The following TEAD1 variants were observed in gnomAD, a reference collection of about 807,000 sequenced individuals.
TEAD1 encodes TEA domain transcription factor 1.
Under a neutral mutation model 54.9 loss-of-function variants are expected in TEAD1, and 9 were observed. The ratio of observed to expected loss-of-function variants is 0.16; its 90% confidence interval spans 0.10 to 0.29. The LOEUF (loss-of-function observed/expected upper bound fraction) is 0.29, where lower values mean the gene tolerates loss of function less well. TEAD1 is among the 10% of genes least tolerant of loss of function. The pLI is 1.00. For synonymous variants in TEAD1, 200 were observed against 187.8 expected, an observed-to-expected ratio of 1.07 and a Z score of -0.53; for missense variants, 387 against 535.9, an observed-to-expected ratio of 0.72 and a Z score of 2.74.
At chr11:12,934,327 G>A (rs907877578) in intron 12 of TEAD1, among the ~76,000 whole-genome samples, 1 of 152,024 alleles carries the variant, frequency 6.6e-6, no homozygotes, top group African/African-American at 2.4e-5. Context: ...TCATAGGTGG[G>A]AATTGAACAA....
Position 12,859,306 on chromosome 11 carries a change from G to GT in TEAD1, c.203-2944_203-2943insT, listed in dbSNP as rs1174105758. Among the ~76,000 whole-genome samples the GT allele has an allele frequency of 7.1e-3, 1,078 of 152,300 alleles. 13 individuals carry two copies. Among genetic ancestry groups the GT allele is most frequent in the African/African-American group, 0.025 (1,021 of 41,532 alleles). ...GTTTTCCCAGAAAATAAACAAGTTT[G>GT]AGGGTAGGAGACATTTTTGTCATCT... On this transcript the variant is annotated intron_variant, in intron 3 of 12. Transcript: ENST00000527636.
At chr11:12,677,512 A>G (rs1564903663) in intron 2 of TEAD1, among the ~76,000 whole-genome samples, 1 of 152,214 alleles carries the variant, frequency 6.6e-6, no homozygotes, top group Non-Finnish European at 1.5e-5. Context: ...ATAAGTCATA[A>G]GGAAAAAAAT....
chr11:12,756,184 G>A (rs187312249), intron 2 of TEAD1, among the ~76,000 whole-genome samples: 12 of 152,136 alleles, frequency 7.9e-5, no homozygotes, highest in Non-Finnish European at 1.2e-4. Flanking sequence ...CTGTTGACAC[G>A]GAAGTGATTT....
chr11:12,927,192 GT>G (rs149087082), intron 11 of TEAD1, among the ~76,000 whole-genome samples: 2,313 of 152,268 alleles, frequency 0.015, 48 homozygotes, highest in African/African-American at 0.053. Flanking sequence ...GGTAGGTGGG[GT>G]TTTACCTTTA....
chr11:12,907,132 G>A (rs903528835), intron 10 of TEAD1, among the ~76,000 whole-genome samples: 1 of 152,170 alleles, frequency 6.6e-6, no homozygotes, highest in African/African-American at 2.4e-5. Flanking sequence ...GATCTTAGGG[G>A]TTCTTCTCCT....
chr11:12,705,381 A>G (rs1943792936), intron 2 of TEAD1, among the ~76,000 whole-genome samples: 1 of 152,160 alleles, frequency 6.6e-6, no homozygotes, highest in Non-Finnish European at 1.5e-5. Context: ...GTCATTGTAG[A>G]GTGATGCAGT....
intron 2 of TEAD1, among the ~76,000 whole-genome samples, chr11:12,681,757 C>G (rs1201978577): frequency 6.6e-6 from 1 of 152,258 alleles, no homozygotes; most frequent in Non-Finnish European, 1.5e-5. Context: ...CTGTCTGCCC[C>G]GCTCCTGTCT....
chr11:12,817,498 A>G (rs996515078), intron 3 of TEAD1, among the ~76,000 whole-genome samples: 2 of 152,178 alleles, frequency 1.3e-5, no homozygotes, highest in African/African-American at 4.8e-5. Flanking sequence ...ACCATCTATC[A>G]CATTTAATGT....
chr11:12,898,724 T>C (rs12364619), intron 9 of TEAD1, among the ~76,000 whole-genome samples: 50,144 of 152,102 alleles, frequency 0.33, 10,301 homozygotes, highest in Admixed American at 0.47. Flanking sequence ...TGGCAGGTCC[T>C]ATGCCAAGCA....
intron 2 of TEAD1, among the ~76,000 whole-genome samples, chr11:12,701,077 T>A (rs554021899): frequency 3.9e-5 from 6 of 152,238 alleles, no homozygotes; most frequent in Non-Finnish European, 8.8e-5. Flanking sequence ...GTTTGATTCT[T>A]CATGTGTACA....
chr11:12,929,373 T>G (rs1197082454), intron 11 of TEAD1, among the ~76,000 whole-genome samples: 1 of 152,068 alleles, frequency 6.6e-6, no homozygotes, highest in African/African-American at 2.4e-5. Flanking sequence ...TTTCATTGAT[T>G]TGAGCTTTTA....
intron 3 of TEAD1, among the ~76,000 whole-genome samples, chr11:12,831,618 C>G (rs182673117): frequency 2.3e-4 from 35 of 152,022 alleles, no homozygotes; most frequent in African/African-American, 8.0e-4. Context: ...TCTCTACAAA[C>G]AATTTTAAAA....
intron 3 of TEAD1, among the ~76,000 whole-genome samples, chr11:12,788,214 GCAA>G (rs1564940079): frequency 6.7e-6 from 1 of 150,092 alleles, no homozygotes; most frequent in Non-Finnish European, 1.5e-5. Flanking sequence ...TTGGCTCACT[GCAA>G]CCTCCGCCTC....
intron 5 of TEAD1, among the ~76,000 whole-genome samples, chr11:12,877,346 A>C (rs1319017332): frequency 1.3e-5 from 2 of 152,218 alleles, no homozygotes; most frequent in Non-Finnish European, 2.9e-5. Flanking sequence ...AGCCAGAGTA[A>C]TATATAAGAC....
At chr11:12,702,171 G>A (rs1173982091) in intron 2 of TEAD1, among the ~76,000 whole-genome samples, 3 of 152,148 alleles carry the variant, frequency 2.0e-5, no homozygotes, top group African/African-American at 7.2e-5. Flanking sequence ...CTCAGGGGCC[G>A]CCCCTTGAAC....
At chr11:12,694,047 T>A (rs969227978) in intron 2 of TEAD1, among the ~76,000 whole-genome samples, 5 of 152,232 alleles carry the variant, frequency 3.3e-5, no homozygotes, top group African/African-American at 1.2e-4. Context: ...AATGTCAGGC[T>A]GCGTTGGCAC....
chr11:12,843,577 G>A (rs1026277129), intron 3 of TEAD1, among the ~76,000 whole-genome samples: 2 of 152,188 alleles, frequency 1.3e-5, no homozygotes, highest in East Asian at 1.9e-4. Context: ...GTTGTGACAA[G>A]TGACATTGAC....
intron 2 of TEAD1, among the ~76,000 whole-genome samples, chr11:12,751,778 G>T (rs1944875115): frequency 6.6e-6 from 1 of 152,184 alleles, no homozygotes; most frequent in African/African-American, 2.4e-5. Flanking sequence ...GTGGGAGAAA[G>T]AATGGAGAAA....
chr11:12,862,035 A>C (rs1686142919), intron 3 of TEAD1, among the ~76,000 whole-genome samples: 1 of 142,320 alleles, frequency 7.0e-6, no homozygotes, highest in East Asian at 2.1e-4. Context: ...CTATTCTTAG[A>C]TGCTGGTCTA....
Sources: allele counts gnomAD v4.1 joint callset (sites outside exome capture counted in the v4.1 genomes callset), GRCh38; gene constraint gnomAD v4.1.1; transcripts MANE v1.5; gene names NCBI Gene and HGNC (gene_info 2026-07-23, HGNC 2026-07-21).